Variants in ZSCAN25 observed in about 807,000 individuals in gnomAD.
ZSCAN25 encodes zinc finger and SCAN domain-containing protein 25.
A neutral mutation model predicts 38.7 loss-of-function variants in ZSCAN25; 27 were observed. The ratio of observed to expected loss-of-function variants is 0.70; its 90% CI spans 0.51 to 0.96. The LOEUF is 0.96. ZSCAN25 is among the 40% of genes least tolerant of loss of function. The probability of loss-of-function intolerance (pLI) is 0.00; values close to 1 mark genes in which losing one functional copy is unlikely to be tolerated. For missense variants in ZSCAN25, 637 were observed against 705.9 expected, an observed-to-expected ratio of 0.90 and a Z score of 1.11; for synonymous variants, 273 against 277.7, an observed-to-expected ratio of 0.98 and a Z score of 0.17.
chr7:99,700,257 G>A, the ZSCAN25 span, among the ~76,000 whole-genome samples: 239 of 152,286 alleles, frequency 1.6e-3, 2 homozygotes, highest in African/African-American at 5.6e-3. Flanking sequence ...ATATTCTATG[G>A]GGAATCATAA....
the ZSCAN25 span, among the ~76,000 whole-genome samples, chr7:99,708,590 G>T: frequency 2.0e-5 from 3 of 152,022 alleles, no homozygotes; most frequent in South Asian, 2.1e-4. Context: ...TGTATTGATG[G>T]AAAGCAGTGT....
At chr7:99,632,794 C>G (rs1203848071), downstream of ZSCAN25, among the ~76,000 whole-genome samples, 2 of 152,142 alleles carry the variant, frequency 1.3e-5, no homozygotes, top group Non-Finnish European at 2.9e-5. Flanking sequence ...TGTCTCAAAA[C>G]AAAACAGTTC....
the ZSCAN25 span, among the ~76,000 whole-genome samples, chr7:99,670,637 T>G: frequency 6.6e-6 from 1 of 152,206 alleles, no homozygotes; most frequent in East Asian, 1.9e-4. Context: ...TTTTGCCTCT[T>G]TACTGGACTT....
At chr7:99,648,665 T>G in the ZSCAN25 span, among the ~76,000 whole-genome samples, 7 of 126,894 alleles carry the variant, frequency 5.5e-5, no homozygotes, top group Admixed American at 5.3e-4. Flanking sequence ...TGGACTCGTG[T>G]TTTTTTTTTT....
chr7:99,634,090 A>G (rs1464210154), downstream of ZSCAN25, among the ~76,000 whole-genome samples: 1 of 152,156 alleles, frequency 6.6e-6, no homozygotes. Context: ...GATGCTGTAC[A>G]CCTTCAGTGT....
At chr7:99,642,501 A>G in the ZSCAN25 span, among the ~76,000 whole-genome samples, 4 of 152,238 alleles carry the variant, frequency 2.6e-5, no homozygotes, top group Admixed American at 6.5e-5. Context: ...GACTGGAACC[A>G]TGTGAGAGAC....
chr7:99,689,878 G>A, the ZSCAN25 span, among the ~76,000 whole-genome samples: 2 of 152,160 alleles, frequency 1.3e-5, no homozygotes, highest in African/African-American at 4.8e-5. Context: ...TACTGCCCAA[G>A]GTAATTTATA....
chr7:99,663,427 C>T, the ZSCAN25 span: 8 of 989,648 alleles, frequency 8.1e-6, no homozygotes, highest in African/African-American at 3.5e-5. Context: ...CTCTAGGGCT[C>T]GTGAAGGCAA....
chr7:99,725,775 G>A, the ZSCAN25 span, among the ~76,000 whole-genome samples: 99 of 152,298 alleles, frequency 6.5e-4, no homozygotes, highest in Non-Finnish European at 9.3e-4. Context: ...GCCCCCCGGA[G>A]AATCACGGAT....
chr7:99,663,350 ATAATCTT>A, the ZSCAN25 span: 1 of 993,722 alleles, frequency 1.0e-6, no homozygotes, highest in East Asian at 1.1e-4. Context: ...CAAACTCTAT[ATAATCTT>A]CAGTGACAGC....
chr7:99,670,405 T>C, the ZSCAN25 span, among the ~76,000 whole-genome samples: 11 of 152,350 alleles, frequency 7.2e-5, no homozygotes, highest in Admixed American at 2.0e-4. Context: ...CATTTCGACA[T>C]GTTGGCTAAA....
chr7:99,720,961 T>C, the ZSCAN25 span: 2 of 156,100 alleles, frequency 1.3e-5, no homozygotes, highest in Admixed American at 6.1e-5. Flanking sequence ...CAGACAGCAC[T>C]GTGGTTTCTG....
At chr7:99,725,840 G>A in the ZSCAN25 span, among the ~76,000 whole-genome samples, 1 of 152,090 alleles carries the variant, frequency 6.6e-6, no homozygotes. Context: ...CTGTGTAATC[G>A]ATAGGGGGGA....
the ZSCAN25 span, chr7:99,672,585 G>C: frequency 6.2e-7 from 1 of 1,612,808 alleles, no homozygotes; most frequent in East Asian, 2.2e-5. Context: ...CTTACCCTTC[G>C]ATTTGTGAAG....
the ZSCAN25 span, among the ~76,000 whole-genome samples, chr7:99,683,957 C>T: frequency 6.6e-6 from 1 of 152,050 alleles, no homozygotes; most frequent in African/African-American, 2.4e-5. Context: ...GCCTGTTGCC[C>T]AATCAATTGA....
At chr7:99,720,492 G>T in the ZSCAN25 span, 1 of 1,475,434 alleles carries the variant, frequency 6.8e-7, no homozygotes. Flanking sequence ...GCCAGACTTT[G>T]ATCCGGACAT....
the ZSCAN25 span, among the ~76,000 whole-genome samples, chr7:99,725,720 C>T: frequency 2.0e-5 from 3 of 152,204 alleles, no homozygotes; most frequent in African/African-American, 7.2e-5. Flanking sequence ...CCCAGATCTC[C>T]TTGGCTTAGT....
the ZSCAN25 span, among the ~76,000 whole-genome samples, chr7:99,670,228 G>A: frequency 2.6e-5 from 4 of 152,110 alleles, no homozygotes; most frequent in African/African-American, 9.7e-5. Flanking sequence ...AATGAAAACT[G>A]GCTTACAGAT....
At chr7:99,698,455 G>A in the ZSCAN25 span, among the ~76,000 whole-genome samples, 15 of 152,248 alleles carry the variant, frequency 9.9e-5, no homozygotes, top group South Asian at 2.9e-3. Flanking sequence ...CGGATCCTAC[G>A]TGGATGCCTT....
Sources: gnomAD v4.1 joint callset for allele counts (sites outside exome capture counted in the v4.1 genomes callset) on GRCh38, gnomAD v4.1.1 for gene constraint, MANE v1.5 for transcripts, NCBI Gene and HGNC (gene_info 2026-07-23, HGNC 2026-07-21) for gene names.